Variants in LINGO2 observed in about 807,000 individuals in gnomAD.
LINGO2 encodes leucine-rich repeat and immunoglobulin-like domain-containing nogo receptor-interacting protein 2.
Under a neutral mutation model 30.6 loss-of-function variants are expected in LINGO2, and 14 were observed. The observed-to-expected ratio is 0.46, with a 90% CI of 0.30 to 0.72. The LOEUF (loss-of-function observed/expected upper bound fraction) is 0.72, where lower values mean the gene tolerates loss of function less well. Ranked by LOEUF, LINGO2 falls within the 30% of genes least tolerant of loss-of-function variation. The pLI is 0.07. For synonymous variants in LINGO2, 317 were observed against 288.5 expected, an observed-to-expected ratio of 1.10 and a Z score of -1.00; for missense variants, 729 against 751.7, an observed-to-expected ratio of 0.97 and a Z score of 0.35.
intron 4 of LINGO2, among the ~76,000 whole-genome samples, chr9:28,292,646 T>C (rs1823772711): frequency 6.6e-6 from 1 of 151,846 alleles, no homozygotes; most frequent in Admixed American, 6.6e-5. Context: ...TATTTTTTAG[T>C]AGAGATGGGG....
At chr9:29,028,331 C>T in the LINGO2 span, among the ~76,000 whole-genome samples, 1 of 149,494 alleles carries the variant, frequency 6.7e-6, no homozygotes, top group African/African-American at 2.5e-5. Flanking sequence ...GAATATTGTG[C>T]AGTTCAGGAA....
At chr9:28,592,454 G>A (rs892048793) in intron 1 of LINGO2, among the ~76,000 whole-genome samples, 1 of 151,982 alleles carries the variant, frequency 6.6e-6, no homozygotes, top group African/African-American at 2.4e-5. Context: ...CCAGTTTTTG[G>A]CTCTCTGTCT....
rs1357717407 is a variant in LINGO2, at chr9:28,226,626, GGAAAGAAGGAAAGAAGGAAA to G, written c.-87+68562_-87+68581del. 4.0e-3 allele frequency among the ~76,000 whole-genome samples: 360 copies of G among 90,768 alleles called. 1 individual carries two copies. Among genetic ancestry groups the G allele is most frequent in the Non-Finnish European group, 4.2e-3 (180 of 42,492 alleles). The allele number at this position is 90,768 out of a possible 152,430, so 59.5% of individuals were successfully genotyped here. A position where few individuals can be genotyped will look rare whatever the true frequency, so the allele number is the denominator to read the frequency against. ...AAAGAAAAAGGTAAGAAGGAAAGAA[GGAAAGAAGGAAAGAAGGAAA>G]GAAAGAAAGAAAGAAAGAAAGAAAG... On this transcript the variant is annotated intron_variant, in intron 4 of 5. Transcript: ENST00000379992.
intron 5 of LINGO2, among the ~76,000 whole-genome samples, chr9:27,975,312 T>C (rs981024243): frequency 6.6e-6 from 1 of 151,984 alleles, no homozygotes; most frequent in Non-Finnish European, 1.5e-5. Flanking sequence ...AAGTCCCTAC[T>C]ATGTAGAATT....
At chr9:28,349,977 C>T (rs929588769) in intron 3 of LINGO2, among the ~76,000 whole-genome samples, 3 of 152,130 alleles carry the variant, frequency 2.0e-5, no homozygotes, top group Admixed American at 6.5e-5. Context: ...CCAGGCCTAC[C>T]TTAAAAGAGC....
At chr9:27,970,581 T>G (rs1463118479) in intron 5 of LINGO2, among the ~76,000 whole-genome samples, 1 of 152,166 alleles carries the variant, frequency 6.6e-6, no homozygotes, top group Non-Finnish European at 1.5e-5. Context: ...AAACATTGAT[T>G]TTTGTGTTCC....
the LINGO2 span, among the ~76,000 whole-genome samples, chr9:29,024,881 C>T: frequency 5.3e-5 from 8 of 152,118 alleles, no homozygotes; most frequent in Non-Finnish European, 7.4e-5. Flanking sequence ...TGAAAGTCCT[C>T]ATTTCTAACA....
rs115855860 is a variant in LINGO2, at chr9:28,269,630, G to T, written c.-87+25578C>A. 2.8e-3 allele frequency among the ~76,000 whole-genome samples: 431 copies of T among 152,002 alleles called. 3 individuals are homozygous for T. The highest frequency in any genetic ancestry group is 9.9e-3 in the African/African-American group (413 of 41,528). ...CAAGGCAAACTTTTCTAAACTTCAG[G>T]AATGGCTTTTGAATCAATAATTTCC... On this transcript the variant is annotated intron_variant, in intron 4 of 5. Transcript: ENST00000379992.
chr9:29,169,866 C>A, the LINGO2 span, among the ~76,000 whole-genome samples: 7 of 152,210 alleles, frequency 4.6e-5, no homozygotes, highest in South Asian at 1.2e-3. Flanking sequence ...GGTGTGGTGG[C>A]ACGCGCCTGT....
chr9:29,207,098 C>T, the LINGO2 span, among the ~76,000 whole-genome samples: 5 of 151,166 alleles, frequency 3.3e-5, no homozygotes, highest in Non-Finnish European at 7.4e-5. Context: ...CTCTCCCTCC[C>T]TATGTATGCA....
the LINGO2 span, among the ~76,000 whole-genome samples, chr9:29,055,776 C>A: frequency 6.6e-6 from 1 of 152,068 alleles, no homozygotes. Flanking sequence ...TTCGCGTCCT[C>A]ATAGCTTAGC....
chr9:28,849,222 G>A, the LINGO2 span, among the ~76,000 whole-genome samples: 28 of 150,896 alleles, frequency 1.9e-4, no homozygotes, highest in East Asian at 5.4e-3. Context: ...TTGATGCTTT[G>A]GATAAACTTT....
At chr9:28,694,775 A>C in the LINGO2 span, among the ~76,000 whole-genome samples, 5 of 151,976 alleles carry the variant, frequency 3.3e-5, no homozygotes, top group Non-Finnish European at 7.4e-5. Flanking sequence ...TGGGGGCTCT[A>C]GTAATGAAAG....
At chr9:28,557,796 C>T (rs1385863004) in intron 1 of LINGO2, among the ~76,000 whole-genome samples, 1 of 151,702 alleles carries the variant, frequency 6.6e-6, no homozygotes, top group African/African-American at 2.4e-5. Context: ...CACATATACA[C>T]CATGGAATAC....
chr9:28,980,792 G>T, the LINGO2 span, among the ~76,000 whole-genome samples: 1 of 151,020 alleles, frequency 6.6e-6, no homozygotes, highest in African/African-American at 2.4e-5. Flanking sequence ...ATTACCATCT[G>T]GCATACTCTG....
At chr9:29,023,296 T>C in the LINGO2 span, among the ~76,000 whole-genome samples, 1 of 152,036 alleles carries the variant, frequency 6.6e-6, no homozygotes, top group African/African-American at 2.4e-5. Context: ...TTATTTTTCA[T>C]AATAAAGGAA....
chr9:28,225,862 C>T (rs1324536615), intron 4 of LINGO2, among the ~76,000 whole-genome samples: 1 of 151,980 alleles, frequency 6.6e-6, no homozygotes, highest in Admixed American at 6.6e-5. Context: ...AATGAAAATT[C>T]CATAAGATTG....
At position 28,343,706 on chromosome 9, in the gene LINGO2, A is replaced by C. The variant is rs552997303; in HGVS notation, c.-246+29130T>G. On this transcript the variant is annotated intron_variant, in intron 3 of 5. Coordinates refer to ENST00000379992, the Ensembl canonical transcript of LINGO2. ...TGAATTCTTGAGACCTTAGACAAGAAAGTGCAGGTCAAAAATGTAGGGAAA... is the reference window on the plus strand; with the variant it reads ...TGAATTCTTGAGACCTTAGACAAGACAGTGCAGGTCAAAAATGTAGGGAAA... Among the ~76,000 whole-genome samples the C allele has an allele frequency of 3.3e-5, 5 of 152,266 alleles. No homozygotes were observed. The South Asian group carries it at 8.3e-4, about 25-fold the overall frequency.
intron 1 of LINGO2, among the ~76,000 whole-genome samples, chr9:28,553,130 G>A (rs532150965): frequency 1.7e-3 from 259 of 152,186 alleles, no homozygotes; most frequent in Non-Finnish European, 2.8e-3. Context: ...CACCAGCAAC[G>A]GAACAAAGCT....
Sources: gnomAD v4.1 joint callset for allele counts (sites outside exome capture counted in the v4.1 genomes callset) on GRCh38, gnomAD v4.1.1 for gene constraint, MANE v1.5 for transcripts, NCBI Gene and HGNC (gene_info 2026-07-23, HGNC 2026-07-21) for gene names.